ISCA2: variants seen among roughly 807,000 people sequenced by gnomAD.
ISCA2 encodes the protein iron-sulfur cluster assembly 2.
In ISCA2, 21 loss-of-function variants were observed where a neutral mutation model predicts 19.1. The observed-to-expected ratio is 1.10, with a 90% CI of 0.78 to 1.59. The LOEUF (loss-of-function observed/expected upper bound fraction) is 1.59, where lower values mean the gene tolerates loss of function less well. Among genes scored for constraint, ISCA2 ranks in the 40% most tolerant of loss-of-function variants. The pLI is 0.00. For missense variants in ISCA2, 181 were observed against 191.7 expected (o/e 0.94, Z 0.33); for synonymous variants, 107 against 83.8 (o/e 1.28, Z -1.51).
Position 74,494,170 on chromosome 14 carries a change from G to C in ISCA2, c.174+18G>C, listed in dbSNP as rs1566606847. 2 of 1,586,534 alleles carry C rather than the reference G, an allele frequency of 1.3e-6. No individual in the cohort carries two copies. The highest frequency in any genetic ancestry group is 1.7e-6 in the Non-Finnish European group (2 of 1,165,150). On this transcript the variant is annotated intron_variant, in intron 2 of 3. Transcript: ENST00000556816. ...GCGTCCAGGTAGGAGGCCGGACGCG[G>C]AGCGGCGGTACCCAGGCGATTGGCG...
intron 3 of ISCA2, 184 bp from the exon 4 acceptor site, chr14:74,494,642 C>G (rs915296238): frequency 1.3e-5 from 8 of 630,308 alleles, no homozygotes; most frequent in Non-Finnish European, 1.9e-5. Context: ...AGGCTTAAGT[C>G]CCTACACGTT....
At chr14:74,494,017 G>T in intron 1 of ISCA2, 33 bp from the exon 2 acceptor site, 1 of 1,520,272 alleles carries the variant, frequency 6.6e-7, no homozygotes. Flanking sequence ...TGCCCCTTCT[G>T]CTCCCGGGCT....
rs1471453838 is a variant in ISCA2, at chr14:74,495,337, A to G, written c.*337A>G. The stretch of plus-strand genomic sequence containing the variant: ...AAGAGCTGCTTGTACATATGTGGAT[A>G]GCTATGTATAAAAGCTTCATTTTAA... On this transcript the variant is annotated 3_prime_UTR_variant, in exon 4 of 4. Coordinates refer to ENST00000556816, the MANE Select transcript of ISCA2 (RefSeq NM_194279.4). 1 of 191,640 alleles carries G rather than the reference A, an allele frequency of 5.2e-6. No individual in the cohort carries two copies. Among genetic ancestry groups the G allele is most frequent in the African/African-American group, 2.3e-5 (1 of 42,830 alleles). The allele number at this position is 191,640 out of a possible 1,614,324, so 11.9% of individuals were successfully genotyped here. A position where few individuals can be genotyped will look rare whatever the true frequency, so the allele number is the denominator to read the frequency against.
Position 74,495,084 on chromosome 14 carries a change from C to A in ISCA2, c.*84C>A. On this transcript the variant is annotated 3_prime_UTR_variant, in exon 4 of 4. Coordinates refer to ENST00000556816, the MANE Select transcript of ISCA2 (RefSeq NM_194279.4). The stretch of plus-strand genomic sequence containing the variant: ...TTAGTAGAATTCTAGAAGTTTACTT[C>A]TAATCATGTCCCTCTCAATTTTATT... 1.0e-6 allele frequency: 1 copy of A among 977,158 alleles called. No homozygotes were observed. The allele number at this position is 977,158 out of a possible 1,614,324, so 60.5% of individuals were successfully genotyped here.
chr14:74,496,998 C>T lies in ISCA2; in HGVS notation c.*1998C>T, dbSNP rs2086853844. ...GCGTGGTGGACACCTGTAATCCCAG[C>T]TACTCGGGAGACTGAGGCAAGAGAA... is the stretch of plus-strand genomic sequence containing the variant. On this transcript the variant is annotated 3_prime_UTR_variant, in exon 4 of 4. Transcript: ENST00000556816. 1 of 151,014 alleles carries T rather than the reference C, an allele frequency of 6.6e-6. No homozygotes were observed. Among genetic ancestry groups the T allele is most frequent in the Non-Finnish European group, 1.5e-5 (1 of 67,964 alleles). The allele number at this position is 151,014 out of a possible 1,614,324, so 9.4% of individuals were successfully genotyped here.
intron 3 of ISCA2, 71 bp downstream of exon 3, chr14:74,494,461 T>G: frequency 1.8e-6 from 2 of 1,101,388 alleles, no homozygotes; most frequent in Non-Finnish European, 2.8e-6. Flanking sequence ...TAAGGTGCAC[T>G]TTTATTCCAA....
rs1166621465 is a variant in ISCA2, at chr14:74,494,161, C to T, written c.174+9C>T. 1 of 1,586,344 alleles carries T rather than the reference C, an allele frequency of 6.3e-7. No individual in the cohort carries two copies. The highest frequency in any genetic ancestry group is 8.6e-7 in the Non-Finnish European group (1 of 1,165,708). ...CAGACAGTTGCGTCCAGGTAGGAGG[C>T]CGGACGCGGAGCGGCGGTACCCAGG... On this transcript the variant is annotated intron_variant, in intron 2 of 3. Transcript: ENST00000556816.
chr14:74,493,875 G>T lies in ISCA2; in HGVS notation c.71+30G>T. 1.9e-6 allele frequency: 3 copies of T among 1,547,672 alleles called. No individual in the cohort carries two copies. The highest frequency in any genetic ancestry group is 2.6e-6 in the Non-Finnish European group (3 of 1,142,236). On this transcript the variant is annotated intron_variant, in intron 1 of 3. Coordinates refer to ENST00000556816, the MANE Select transcript of ISCA2 (RefSeq NM_194279.4). The surrounding 1 kb of genome is among the most constrained non-coding windows in gnomAD (Gnocchi z 4.1). ...CAAGACTAGAAAGGCACCTGGAAAG[G>T]GTGTTTGGTTCTGCGCCTCTAGGAC...
Position 74,493,944 on chromosome 14 carries a change from G to T in ISCA2, c.71+99G>T. ...TGTGGGGGATGCGAGGGTTTGGTGG[G>T]AGGCCGTCCAGGTGGGGGTCGCCAG... On this transcript the variant is annotated intron_variant, in intron 1 of 3. Transcript: ENST00000556816. This position sits in a 1 kb window ranked among gnomAD's most constrained non-coding sequence, Gnocchi z 4.1. The T allele has an allele frequency of 2.0e-6, 3 of 1,473,308 alleles. No homozygotes were observed. The South Asian group carries it at 3.6e-5, about 18-fold the overall frequency. The allele number at this position is 1,473,308 out of a possible 1,614,324, so 91.3% of individuals were successfully genotyped here.
intron 3 of ISCA2, 171 bp from the exon 4 acceptor site, chr14:74,494,655 C>T: frequency 1.6e-6 from 1 of 639,168 alleles, no homozygotes; most frequent in Non-Finnish European, 2.7e-6. Context: ...TACACGTTTC[C>T]CAGTATTTAT....
chr14:74,494,200 C>T, intron 2 of ISCA2, 48 bp downstream of exon 2: 1 of 1,568,618 alleles, frequency 6.4e-7, no homozygotes, highest in Non-Finnish European at 8.7e-7. Context: ...TTGGCGGGAG[C>T]AGCGGGAACT....
rs1339923795 is a variant in ISCA2, at chr14:74,494,858, T to C, written c.323T>C (p.Val108Ala). Residue 108 changes from valine to alanine, a missense_variant, in exon 4 of 4, where the codon GTT (valine) becomes GCT (alanine). Transcript: ENST00000556816. ...GAACAGGGTGGGGCAAGAGTGGTGGTTGACTCTGATAGCTTGGCCTTCGTG... is the reference window on the plus strand; with the variant it reads ...GAACAGGGTGGGGCAAGAGTGGTGGCTGACTCTGATAGCTTGGCCTTCGTG... ...VFEQGGARVV[V>A]DSDSLAFVKG... 7.4e-6 allele frequency: 12 copies of C among 1,614,072 alleles called. No individual in the cohort carries two copies. Among genetic ancestry groups the C allele is most frequent in the Non-Finnish European group, 1.0e-5 (12 of 1,180,032 alleles).
At chr14:74,494,552 AGTAAC>A (rs1422251968) in intron 3 of ISCA2, 162 bp downstream of exon 3, 1 of 651,964 alleles carries the variant, frequency 1.5e-6, no homozygotes, top group East Asian at 2.7e-5. Flanking sequence ...TCTGAATCAA[AGTAAC>A]TAAGTTATAG....
In ISCA2 at chr14:74,493,982, G is replaced by A. The variant is rs2086813417; in HGVS notation, c.72-68G>A. ...TGGGGGTCGCCAGGTTTAGCGTGAG[G>A]CGCTCCAGGTCGAGGGTTGCAAGGT... On this transcript the variant is annotated intron_variant, in intron 1 of 3. Transcript: ENST00000556816. The surrounding 1 kb of genome is among the most constrained non-coding windows in gnomAD (Gnocchi z 4.1). 1 of 1,486,374 alleles carries A rather than the reference G, an allele frequency of 6.7e-7. No individual in the cohort carries two copies. The highest frequency in any genetic ancestry group is 9.1e-7 in the Non-Finnish European group (1 of 1,095,896). The allele number at this position is 1,486,374 out of a possible 1,614,324, so 92.1% of individuals were successfully genotyped here.
At position 74,493,870 on chromosome 14, in the gene ISCA2, GA is replaced by G; in HGVS notation, c.71+28del. ...GGTACCAAGACTAGAAAGGCACCTG[GA>G]AAGGGTGTTTGGTTCTGCGCCTCTA... On this transcript the variant is annotated intron_variant, in intron 1 of 3. Coordinates refer to ENST00000556816, the MANE Select transcript of ISCA2 (RefSeq NM_194279.4). This position sits in a 1 kb window ranked among gnomAD's most constrained non-coding sequence, Gnocchi z 4.1. 1 of 1,550,912 alleles carries G rather than the reference GA, an allele frequency of 6.4e-7. No individual in the cohort carries two copies.
rs779098552 is a variant in ISCA2, at chr14:74,496,662, G to T, written c.*1662G>T. On this transcript the variant is annotated 3_prime_UTR_variant, in exon 4 of 4. Transcript: ENST00000556816. ...AGAATATTTTTGTGGGTTATTTATT[G>T]ATTTTGTGGTTTTAAAACTCTTGAG... is the stretch of plus-strand genomic sequence containing the variant. 4 of 152,106 alleles carry T rather than the reference G, an allele frequency of 2.6e-5. No homozygotes were observed. Among genetic ancestry groups the T allele is most frequent in the Non-Finnish European group, 5.9e-5 (4 of 68,014 alleles). 9.4% of individuals were successfully genotyped at this position (152,106 alleles called of 1,614,324 possible).
In ISCA2 at chr14:74,494,146, C is replaced by T. The variant is rs1342095051; in HGVS notation, c.168C>T (p.Cys56=). 1.3e-6 allele frequency: 2 copies of T among 1,588,572 alleles called. No individual in the cohort carries two copies. The highest frequency in any genetic ancestry group is 3.6e-5 in the Admixed American group (2 of 56,178). ...GGCAGATCCGCCTCACAGACAGTTG[C>T]GTCCAGGTAGGAGGCCGGACGCGGA... ...GEGQIRLTDS[C]VQRLLEITEG... The change falls in exon 2 of 4, where the codon TGC becomes TGT. Residue 56 remains cysteine (C), a synonymous_variant. Coordinates refer to ENST00000556816, the MANE Select transcript of ISCA2 (RefSeq NM_194279.4).
chr14:74,493,793 T>C lies in ISCA2; in HGVS notation c.19T>C (p.Ser7Pro). 1 of 1,530,586 alleles carries C rather than the reference T, an allele frequency of 6.5e-7. No individual in the cohort carries two copies. Among genetic ancestry groups the C allele is most frequent in the Non-Finnish European group, 8.8e-7 (1 of 1,141,678 alleles). The allele number at this position is 1,530,586 out of a possible 1,614,324, so 94.8% of individuals were successfully genotyped here. A position where few individuals can be genotyped will look rare whatever the true frequency, so the allele number is the denominator to read the frequency against. Residue 7 changes from serine to proline, a missense_variant, in exon 1 of 4, where the codon TCG becomes CCG. Transcript: ENST00000556816. The surrounding 1 kb of genome is among the most constrained non-coding windows in gnomAD (Gnocchi z 4.1). Reference protein sequence around the residue: MAAAWGSSLTAATQRAV... With the variant: MAAAWGPSLTAATQRAV... ...GAGGAAGATGGCTGCCGCCTGGGGG[T>C]CGTCCCTAACGGCCGCGACGCAGAG...
Position 74,496,786 on chromosome 14 carries a change from T to C in ISCA2, c.*1786T>C, listed in dbSNP as rs150612463. The C allele has an allele frequency of 3.5e-4, 54 of 152,312 alleles. No individual in the cohort carries two copies. Among genetic ancestry groups the C allele is most frequent in the African/African-American group, 1.3e-3 (53 of 41,566 alleles). The allele number at this position is 152,312 out of a possible 1,614,324, so 9.4% of individuals were successfully genotyped here. On this transcript the variant is annotated 3_prime_UTR_variant, in exon 4 of 4. Coordinates refer to ENST00000556816, the MANE Select transcript of ISCA2 (RefSeq NM_194279.4). ...ATGCAGCTTATATGTGAGTATCTAC[T>C]GTTAATGGGAGAATTGGAATTTTAT...
Sources: allele counts gnomAD v4.1 joint callset, GRCh38; gene constraint gnomAD v4.1.1; non-coding constraint Gnocchi (gnomAD v3.1); transcripts MANE v1.5; gene names NCBI Gene and HGNC (gene_info 2026-07-23, HGNC 2026-07-21).